The following SPOCK1 variants were observed in gnomAD, a reference collection of about 807,000 sequenced individuals.
The protein encoded by SPOCK1 is SPARC (osteonectin), cwcv and kazal like domains proteoglycan 1.
SPOCK1 carries 23 observed loss-of-function variants against 55.3 expected under a neutral mutation model. The ratio of observed to expected loss-of-function variants is 0.42; its 90% confidence interval spans 0.30 to 0.59. The LOEUF (loss-of-function observed/expected upper bound fraction) is 0.59, where lower values mean the gene tolerates loss of function less well. Ranked by LOEUF, SPOCK1 falls within the 20% of genes least tolerant of loss-of-function variation. SPOCK1 has a pLI of 0.22. For missense variants in SPOCK1, 499 were observed against 552.5 expected (o/e 0.90, Z 0.97); for synonymous variants, 226 against 221.0 (o/e 1.02, Z -0.20).
intron 3 of SPOCK1, among the ~76,000 whole-genome samples, chr5:137,228,890 A>G (rs1300123924): frequency 6.6e-6 from 1 of 152,206 alleles, no homozygotes; most frequent in Non-Finnish European, 1.5e-5. Context: ...ATTTAGGAAC[A>G]ATCTAAATAT....
intron 2 of SPOCK1, among the ~76,000 whole-genome samples, chr5:137,429,780 A>G (rs1362560856): frequency 6.6e-6 from 1 of 152,262 alleles, no homozygotes; most frequent in Non-Finnish European, 1.5e-5. Context: ...CAATCCATCT[A>G]TAACCCAAAA....
intron 3 of SPOCK1, among the ~76,000 whole-genome samples, chr5:137,251,073 G>T (rs950394016): frequency 6.6e-6 from 1 of 152,078 alleles, no homozygotes; most frequent in Non-Finnish European, 1.5e-5. Flanking sequence ...TAGATTGCTG[G>T]CCCCCACACC....
intron 2 of SPOCK1, among the ~76,000 whole-genome samples, chr5:137,417,642 G>C (rs989471683): frequency 2.0e-5 from 3 of 151,972 alleles, no homozygotes; most frequent in African/African-American, 7.2e-5. Flanking sequence ...TGTACTTTTT[G>C]TATCTGGCTA....
chr5:137,488,629 G>C (rs1171017126), intron 2 of SPOCK1, among the ~76,000 whole-genome samples: 2 of 152,138 alleles, frequency 1.3e-5, no homozygotes, highest in African/African-American at 4.8e-5. Flanking sequence ...CATTTGCACG[G>C]CGGGACAGAC....
chr5:137,030,227 C>A (rs1751753874), intron 6 of SPOCK1, among the ~76,000 whole-genome samples: 1 of 152,260 alleles, frequency 6.6e-6, no homozygotes, highest in South Asian at 2.1e-4. Context: ...GGATAACAGC[C>A]ATTAGCTCTT....
chr5:137,394,456 A>T lies in SPOCK1; in HGVS notation c.186+103917T>A, dbSNP rs915158945. Among the ~76,000 whole-genome samples, 3 of 152,236 alleles carry T rather than the reference A, an allele frequency of 2.0e-5. No individual in the cohort carries two copies. In the South Asian group the frequency reaches 6.2e-4, roughly 32 times the overall value. ...GCTTAGTATCACAAAGGACAGCATT[A>T]TAATTCATCACAAGGCTGGAATCAG... is the stretch of plus-strand genomic sequence containing the variant. On this transcript the variant is annotated intron_variant, in intron 2 of 10. Coordinates refer to ENST00000394945, the MANE Select transcript of SPOCK1 (RefSeq NM_004598.4).
At chr5:137,301,636 C>CTTTTTTTTTTTTTTTTTTTTT (rs34828127) in intron 2 of SPOCK1, among the ~76,000 whole-genome samples, 1 of 129,798 alleles carries the variant, frequency 7.7e-6, no homozygotes. Flanking sequence ...ATTTCGTCTC[C>CTTTTTTTTTTTTTTTTTTTTT]TTTTTTTTTT....
rs149291157 is a variant in SPOCK1 at position 137,474,852 on chromosome 5, A to G, written c.186+23521T>C. On this transcript the variant is annotated intron_variant, in intron 2 of 10. Transcript: ENST00000394945. Reference sequence around the variant, plus strand: ...ATGAAGCTCTTCTTTACTAAAAAATACTAGCAAAAAAATATGGGTAATATT... The same window carrying G: ...ATGAAGCTCTTCTTTACTAAAAAATGCTAGCAAAAAAATATGGGTAATATT... Among the ~76,000 whole-genome samples, 507 of 152,336 alleles carry G rather than the reference A, an allele frequency of 3.3e-3. 1 individual carries two copies. Among genetic ancestry groups the G allele is most frequent in the African/African-American group, 0.011 (473 of 41,568 alleles).
intron 5 of SPOCK1, among the ~76,000 whole-genome samples, chr5:137,095,158 C>T (rs1207343413): frequency 2.6e-5 from 4 of 152,012 alleles, no homozygotes; most frequent in Admixed American, 2.6e-4. Context: ...AGAACAATTT[C>T]AATAACAACA....
chr5:137,394,505 CAA>C (rs1182626056), intron 2 of SPOCK1, among the ~76,000 whole-genome samples: 2 of 152,276 alleles, frequency 1.3e-5, no homozygotes, highest in East Asian at 3.9e-4. Context: ...ACCTTTTCTC[CAA>C]TGTTGCTGCC....
At chr5:137,385,306 C>A (rs994491489) in intron 2 of SPOCK1, among the ~76,000 whole-genome samples, 1 of 152,052 alleles carries the variant, frequency 6.6e-6, no homozygotes, top group Non-Finnish European at 1.5e-5. Flanking sequence ...ATCATGGGCT[C>A]CTGTATCAGA....
chr5:137,262,481 C>T (rs1756762913), intron 3 of SPOCK1, among the ~76,000 whole-genome samples: 1 of 152,206 alleles, frequency 6.6e-6, no homozygotes, highest in Admixed American at 6.5e-5. Context: ...CAACTCTACT[C>T]ACTTCCCTAC....
intron 3 of SPOCK1, among the ~76,000 whole-genome samples, chr5:137,203,104 AT>A (rs1580805620): frequency 6.6e-6 from 1 of 152,344 alleles, no homozygotes; most frequent in East Asian, 1.9e-4. Context: ...ATTACCCTTA[AT>A]GAAACTTCAT....
intron 2 of SPOCK1, among the ~76,000 whole-genome samples, chr5:137,492,293 T>C (rs574702367): frequency 6.6e-6 from 1 of 152,304 alleles, no homozygotes; most frequent in South Asian, 2.1e-4. Context: ...CTGACAAGTC[T>C]CAGTTCTGGG....
At chr5:137,017,781 T>C (rs1317515484) in intron 6 of SPOCK1, among the ~76,000 whole-genome samples, 3 of 152,174 alleles carry the variant, frequency 2.0e-5, no homozygotes, top group Non-Finnish European at 4.4e-5. Flanking sequence ...AGGGGGTCTG[T>C]ATATATCAAA....
chr5:137,485,228 T>C (rs529999808), intron 2 of SPOCK1, among the ~76,000 whole-genome samples: 6 of 152,312 alleles, frequency 3.9e-5, no homozygotes, highest in African/African-American at 1.4e-4. Context: ...CTATATTCCC[T>C]CTATACTAGG....
intron 2 of SPOCK1, among the ~76,000 whole-genome samples, chr5:137,290,073 T>C (rs1757343094): frequency 6.6e-6 from 1 of 152,070 alleles, no homozygotes; most frequent in Non-Finnish European, 1.5e-5. Flanking sequence ...CACATGAACC[T>C]CACAGCCCAG....
At chr5:137,239,599 A>T (rs1442737419) in intron 3 of SPOCK1, among the ~76,000 whole-genome samples, 2 of 152,172 alleles carry the variant, frequency 1.3e-5, no homozygotes, top group Admixed American at 6.5e-5. Flanking sequence ...CTCCAAGTGG[A>T]TAGTGTCAGA....
chr5:137,239,520 T>C (rs1201072627), intron 3 of SPOCK1, among the ~76,000 whole-genome samples: 1 of 152,210 alleles, frequency 6.6e-6, no homozygotes, highest in African/African-American at 2.4e-5. Flanking sequence ...ATGGGATTTG[T>C]GACTGGCATC....
Sources: allele counts gnomAD v4.1 joint callset (sites outside exome capture counted in the v4.1 genomes callset), GRCh38; gene constraint gnomAD v4.1.1; transcripts MANE v1.5; gene names NCBI Gene and HGNC (gene_info 2026-07-23, HGNC 2026-07-21).